PPIA: variants seen among roughly 807,000 people sequenced by gnomAD.
PPIA encodes the protein peptidylprolyl isomerase A.
PPIA carries 2 observed loss-of-function variants against 15.3 expected under a neutral mutation model. That is an observed-to-expected ratio of 0.13 (90% confidence interval 0.05 to 0.41). The LOEUF is 0.41. PPIA is among the 10% of genes least tolerant of loss of function. The pLI is 0.99. For synonymous variants in PPIA, 67 were observed against 73.1 expected (o/e 0.92, Z 0.43); for missense variants, 103 against 210.3 (o/e 0.49, Z 3.16).
rs896806233 is a variant in PPIA, at chr7:44,799,190, A to G, written c.70-57A>G. 18 of 1,554,092 alleles carry G rather than the reference A, an allele frequency of 1.2e-5. No homozygotes were observed. In the African/African-American group the frequency reaches 1.6e-4, roughly 14 times the overall value. ...TTATGACTCAGAAGCCCCTAAAGACATGGGTACTAAGCAACAAAATAAGCA... is the reference window on the plus strand; with the variant it reads ...TTATGACTCAGAAGCCCCTAAAGACGTGGGTACTAAGCAACAAAATAAGCA... On this transcript the variant is annotated intron_variant, in intron 1 of 4. Transcript: ENST00000468812.
intron 1 of PPIA, chr7:44,798,649 AT>A (rs1218900037): frequency 1.3e-5 from 10 of 766,426 alleles, no homozygotes; most frequent in Non-Finnish European, 1.6e-5. Context: ...TGTTTATGGT[AT>A]TTAAGCTACC....
At chr7:44,799,169 G>T in intron 1 of PPIA, 78 bp from the exon 2 acceptor site, 3 of 1,439,872 alleles carry the variant, frequency 2.1e-6, no homozygotes, top group African/African-American at 2.9e-5. Flanking sequence ...ATGAATTTAT[G>T]ACTCAGAAGC....
intron 1 of PPIA, chr7:44,798,912 CTAGCTCAAGTTG>C: frequency 9.3e-7 from 1 of 1,076,604 alleles, no homozygotes; most frequent in Non-Finnish European, 1.1e-6. Flanking sequence ...CTTGTAAGTT[CTAGCTCAAGTTG>C]GGGGGTGGTG....
chr7:44,800,614 G>C (rs900689379), intron 4 of PPIA: 1 of 153,224 alleles, frequency 6.5e-6, no homozygotes, highest in African/African-American at 2.4e-5. Flanking sequence ...GTCCAGGCTG[G>C]TCTCGAACTC....
At chr7:44,798,678 T>C (rs376647646) in intron 1 of PPIA, 2 of 888,954 alleles carry the variant, frequency 2.2e-6, no homozygotes, top group African/African-American at 3.6e-5. Context: ...CCATAACGTA[T>C]TATACATTCA....
chr7:44,801,705 G>T lies in PPIA; in HGVS notation c.*283G>T. 1 of 318,700 alleles carries T rather than the reference G, an allele frequency of 3.1e-6. No individual in the cohort carries two copies. Among genetic ancestry groups the T allele is most frequent in the South Asian group, 3.4e-5 (1 of 29,698 alleles). 19.7% of individuals were successfully genotyped at this position (318,700 alleles called of 1,614,324 possible). ...ATGGGTTACTTCTGAAACATCACTT[G>T]TTTGCTTAATTCTACACAGTACTTA... On this transcript the variant is annotated 3_prime_UTR_variant, in exon 5 of 5. Coordinates refer to ENST00000468812, the MANE Select transcript of PPIA (RefSeq NM_021130.5).
rs543830062 is a variant in PPIA at position 44,799,783 on chromosome 7, A to G, written c.271A>G (p.Lys91Glu). The G allele has an allele frequency of 6.2e-7, 1 of 1,613,972 alleles. No homozygotes were observed. The highest frequency in any genetic ancestry group is 8.5e-7 in the Non-Finnish European group (1 of 1,179,950). ...ATTTGAAGATGAGAACTTCATCCTA[A>G]AGCATACGGGTCCTGGCATCTTGTC... is the stretch of plus-strand genomic sequence containing the variant. ...EKFEDENFILKHTGPGILSMA... is the reference protein window; with the variant it reads ...EKFEDENFILEHTGPGILSMA... The change falls in exon 4 of 5, where the codon AAG becomes GAG. Residue 91 changes from lysine to glutamate, a missense_variant. Transcript: ENST00000468812.
intron 4 of PPIA, among the ~76,000 whole-genome samples, chr7:44,800,767 T>G (rs1792528913): frequency 6.6e-6 from 1 of 151,504 alleles, no homozygotes; most frequent in African/African-American, 2.4e-5. Context: ...TTCTTTGGGG[T>G]TTTTGTTTTG....
rs752780075 is a variant in PPIA, at chr7:44,799,749, T to C, written c.237T>C (p.Tyr79=). The C allele has an allele frequency of 6.2e-7, 1 of 1,613,988 alleles. No individual in the cohort carries two copies. The highest frequency in any genetic ancestry group is 1.1e-5 in the South Asian group (1 of 91,072). Residue 79 remains tyrosine, a synonymous_variant, in exon 4 of 5, where the codon TAT becomes TAC. Transcript: ENST00000468812. ...ATGGCACTGGTGGCAAGTCCATCTATGGGGAGAAATTTGAAGATGAGAACT... is the reference window on the plus strand; with the variant it reads ...ATGGCACTGGTGGCAAGTCCATCTACGGGGAGAAATTTGAAGATGAGAACT... ...RHNGTGGKSI[Y]GEKFEDENFI... is the part of the protein sequence containing the mutation.
intron 4 of PPIA, 90 bp downstream of exon 4, chr7:44,799,964 T>G: frequency 7.3e-7 from 1 of 1,368,678 alleles, no homozygotes; most frequent in African/African-American, 1.4e-5. Flanking sequence ...CTTCAACCTT[T>G]GCTTCCACAG....
At position 44,801,912 on chromosome 7, in the gene PPIA, A is replaced by T. The variant is rs1792574571; in HGVS notation, c.*490A>T. On this transcript the variant is annotated 3_prime_UTR_variant, in exon 5 of 5. Coordinates refer to ENST00000468812, the MANE Select transcript of PPIA (RefSeq NM_021130.5). ...CATAGTGAGACGCTGTCTCTACAAA[A>T]AATAATTAGCCTGGCCTGGTGGTGC... 1 of 164,180 alleles carries T rather than the reference A, an allele frequency of 6.1e-6. No individual in the cohort carries two copies. The highest frequency in any genetic ancestry group is 1.3e-5 in the Non-Finnish European group (1 of 75,992). The allele number at this position is 164,180 out of a possible 1,614,324, so 10.2% of individuals were successfully genotyped here.
chr7:44,799,209 A>C (rs1256735079), intron 1 of PPIA, 38 bp from the exon 2 acceptor site: 1 of 1,607,670 alleles, frequency 6.2e-7, no homozygotes, highest in Admixed American at 1.7e-5. Context: ...AAGCAACAAA[A>C]TAAGCAGATG....
rs960142898 is a variant in PPIA, at chr7:44,801,556, T to A, written c.*134T>A. On this transcript the variant is annotated 3_prime_UTR_variant, in exon 5 of 5. Transcript: ENST00000468812. Reference sequence around the variant, plus strand: ...GCAGTTCCCTTTGGGTTCCATGTTTTCCTTGTTCCCTCCCATGCCTAGCTG... The same window carrying A: ...GCAGTTCCCTTTGGGTTCCATGTTTACCTTGTTCCCTCCCATGCCTAGCTG... The A allele has an allele frequency of 3.5e-5, 21 of 599,052 alleles. No homozygotes were observed. The African/African-American group carries it at 3.7e-4, about 11-fold the overall frequency. 37.1% of individuals were successfully genotyped at this position (599,052 alleles called of 1,614,324 possible). A position where few individuals can be genotyped will look rare whatever the true frequency, so the allele number is the denominator to read the frequency against.
intron 3 of PPIA, 37 bp downstream of exon 3, chr7:44,799,517 C>T (rs1300070440): frequency 2.5e-6 from 4 of 1,601,524 alleles, no homozygotes; most frequent in South Asian, 1.1e-5. Flanking sequence ...ATTTGGGTTG[C>T]TCCCTTCATT....
intron 1 of PPIA, chr7:44,798,959 C>A: frequency 1.7e-6 from 2 of 1,161,178 alleles, no homozygotes; most frequent in African/African-American, 1.6e-5. Context: ...AGCCATATAT[C>A]TTTTCAGAAG....
At chr7:44,798,903 T>G in intron 1 of PPIA, 2 of 1,064,382 alleles carry the variant, frequency 1.9e-6, no homozygotes, top group South Asian at 7.2e-5. Context: ...GAATTTTGCC[T>G]TGTAAGTTCT....
chr7:44,796,888 C>G (rs1273133599), intron 1 of PPIA, 95 bp downstream of exon 1: 4 of 1,349,880 alleles, frequency 3.0e-6, no homozygotes, highest in Admixed American at 5.0e-5. Context: ...GCGGGGCGAC[C>G]CTGCTTGAGG....
At chr7:44,801,196 A>G in intron 4 of PPIA, 91 bp from the exon 5 acceptor site, 1 of 1,387,936 alleles carries the variant, frequency 7.2e-7, no homozygotes, top group East Asian at 2.4e-5. Context: ...TAAAAAAAAA[A>G]AAAAAAGCTA....
Position 44,801,368 on chromosome 7 carries a change from G to A in PPIA, c.444G>A (p.Arg148=), listed in dbSNP as rs1367735304. The change falls in exon 5 of 5, where the codon AGG becomes AGA. Residue 148 remains arginine, a synonymous_variant. Coordinates refer to ENST00000468812, the MANE Select transcript of PPIA (RefSeq NM_021130.5). ...IVEAMERFGS[R]NGKTSKKITI... ...AGGCCATGGAGCGCTTTGGGTCCAG[G>A]AATGGCAAGACCAGCAAGAAGATCA... The A allele has an allele frequency of 1.3e-6, 2 of 1,584,612 alleles. No individual in the cohort carries two copies.
Sources: gnomAD v4.1 joint callset for allele counts (sites outside exome capture counted in the v4.1 genomes callset) on GRCh38, gnomAD v4.1.1 for gene constraint, MANE v1.5 for transcripts, NCBI Gene and HGNC (gene_info 2026-07-23, HGNC 2026-07-21) for gene names.